MAP3K7CL: variants seen among roughly 807,000 people sequenced by gnomAD.
MAP3K7CL encodes the protein MAP3K7 C-terminal-like protein.
Under a neutral mutation model 18.6 loss-of-function variants are expected in MAP3K7CL, and 16 were observed. The observed-to-expected ratio is 0.86, with a 90% confidence interval of 0.58 to 1.31. The LOEUF (loss-of-function observed/expected upper bound fraction) is 1.31, where lower values mean the gene tolerates loss of function less well. MAP3K7CL is among the 50% of genes most tolerant of loss of function. The pLI is 0.00. For missense variants in MAP3K7CL, 163 were observed against 174.4 expected (o/e 0.93, Z 0.37); for synonymous variants, 65 against 66.8 (o/e 0.97, Z 0.13).
chr21:29,165,017 G>A (rs1273657612), intron 4 of MAP3K7CL, among the ~76,000 whole-genome samples: 2 of 152,074 alleles, frequency 1.3e-5, no homozygotes, highest in South Asian at 4.1e-4. Flanking sequence ...TCATTGAAAT[G>A]AGATATAGAC....
chr21:29,082,204 T>C (rs2085847639), upstream of MAP3K7CL, among the ~76,000 whole-genome samples: 1 of 152,220 alleles, frequency 6.6e-6, no homozygotes, highest in Non-Finnish European at 1.5e-5. Flanking sequence ...TAGCAGCTCT[T>C]GGTCCTATTT....
chr21:29,165,568 A>AATTTT (rs2087665500), intron 4 of MAP3K7CL, among the ~76,000 whole-genome samples: 1 of 152,060 alleles, frequency 6.6e-6, no homozygotes, highest in Non-Finnish European at 1.5e-5. Flanking sequence ...TTTTATAAAC[A>AATTTT]ATTTTATTTT....
chr21:29,173,516 G>A (rs962901378), intron 4 of MAP3K7CL, among the ~76,000 whole-genome samples: 1 of 152,186 alleles, frequency 6.6e-6, no homozygotes, highest in African/African-American at 2.4e-5. Flanking sequence ...AGAAAACTAT[G>A]TATCTGAAGG....
upstream of MAP3K7CL, chr21:29,130,487 C>T (rs1051498249): frequency 1.1e-4 from 57 of 542,476 alleles, no homozygotes; most frequent in Admixed American, 1.3e-4. Flanking sequence ...GATTGGGTCA[C>T]GCTGAAGACA....
At chr21:29,077,931 T>G (rs1488285455) in intron 1 of MAP3K7CL, among the ~76,000 whole-genome samples, 1 of 152,210 alleles carries the variant, frequency 6.6e-6, no homozygotes, top group Non-Finnish European at 1.5e-5. Context: ...GATTGGGGGT[T>G]GGGGATGTCT....
intron 3 of MAP3K7CL, among the ~76,000 whole-genome samples, chr21:29,149,770 A>T (rs964676212): frequency 6.6e-6 from 1 of 152,220 alleles, no homozygotes; most frequent in Non-Finnish European, 1.5e-5. Context: ...ATTATTTTGT[A>T]TATGTAGTTT....
chr21:29,097,447 C>A (rs1419615208), intron 4 of MAP3K7CL, among the ~76,000 whole-genome samples: 2 of 152,012 alleles, frequency 1.3e-5, no homozygotes, highest in Non-Finnish European at 2.9e-5. Context: ...GGAGGTAGAA[C>A]AAAATTAAAA....
intron 4 of MAP3K7CL, among the ~76,000 whole-genome samples, chr21:29,121,192 CA>C (rs2086589381): frequency 6.6e-6 from 1 of 151,838 alleles, no homozygotes. Flanking sequence ...CAAGTTTGGG[CA>C]ATGACTGTCT....
chr21:29,122,540 C>T (rs34043731), intron 4 of MAP3K7CL, among the ~76,000 whole-genome samples: 317 of 152,252 alleles, frequency 2.1e-3, no homozygotes, highest in Non-Finnish European at 3.9e-3. Context: ...GGGGATGGAG[C>T]GGGAACGTGG....
At position 29,168,690 on chromosome 21, in the gene MAP3K7CL, G is replaced by T. The variant is rs137901653; in HGVS notation, c.249-6022G>T. 2.8e-3 allele frequency among the ~76,000 whole-genome samples: 427 copies of T among 152,252 alleles called. 4 individuals are homozygous for T. Among genetic ancestry groups the T allele is most frequent in the African/African-American group, 9.5e-3 (396 of 41,540 alleles). On this transcript the variant is annotated intron_variant, in intron 4 of 4. Coordinates refer to ENST00000399928, the MANE Select transcript of MAP3K7CL (RefSeq NM_001286620.2). Reference sequence around the variant, plus strand: ...CGAAACTATATTAAATTTATGCCTAGTGTTCCATTATTGGAACACTAAATG... The same window carrying T: ...CGAAACTATATTAAATTTATGCCTATTGTTCCATTATTGGAACACTAAATG...
intron 4 of MAP3K7CL, among the ~76,000 whole-genome samples, chr21:29,123,251 A>G (rs942692363): frequency 1.3e-5 from 2 of 152,056 alleles, no homozygotes; most frequent in African/African-American, 2.4e-5. Context: ...TTTAATAGAC[A>G]TGAGGTTTCA....
At chr21:29,149,742 T>C (rs1233990401) in intron 3 of MAP3K7CL, among the ~76,000 whole-genome samples, 1 of 152,228 alleles carries the variant, frequency 6.6e-6, no homozygotes, top group Non-Finnish European at 1.5e-5. Context: ...GAAAATTGAC[T>C]TGTTGGACCC....
At chr21:29,136,632 T>TG (rs1410614608) in intron 2 of MAP3K7CL, among the ~76,000 whole-genome samples, 1 of 152,134 alleles carries the variant, frequency 6.6e-6, no homozygotes, top group Non-Finnish European at 1.5e-5. Context: ...GTGATTCTTC[T>TG]GCCTGAGCCT....
At chr21:29,150,181 G>C (rs2087236355) in intron 3 of MAP3K7CL, among the ~76,000 whole-genome samples, 1 of 152,196 alleles carries the variant, frequency 6.6e-6, no homozygotes, top group Admixed American at 6.5e-5. Context: ...ATTTGAGTTT[G>C]GCATTCTTAT....
intron 1 of MAP3K7CL, among the ~76,000 whole-genome samples, chr21:29,080,293 G>T (rs1002200565): frequency 6.6e-6 from 1 of 152,202 alleles, no homozygotes; most frequent in African/African-American, 2.4e-5. Flanking sequence ...ATGGCTGTGG[G>T]TACAAATAAG....
At chr21:29,114,266 G>A (rs551583012) in intron 4 of MAP3K7CL, among the ~76,000 whole-genome samples, 2 of 152,090 alleles carry the variant, frequency 1.3e-5, no homozygotes, top group East Asian at 1.9e-4. Context: ...GCAGGGTTTC[G>A]CCATGTTGAC....
chr21:29,133,483 A>G (rs2086819247), intron 2 of MAP3K7CL, 69 bp downstream of exon 2: 1 of 1,215,148 alleles, frequency 8.2e-7, no homozygotes, highest in Admixed American at 2.5e-5. Context: ...TTCTAATGCC[A>G]CGCCTCTGTG....
intron 2 of MAP3K7CL, among the ~76,000 whole-genome samples, chr21:29,134,893 CA>C (rs946802384): frequency 6.6e-6 from 1 of 151,196 alleles, no homozygotes; most frequent in Non-Finnish European, 1.5e-5. Flanking sequence ...ACTAAAAATA[CA>C]AAAAAAATTA....
intron 2 of MAP3K7CL, among the ~76,000 whole-genome samples, chr21:29,141,025 C>T (rs560614719): frequency 5.2e-4 from 79 of 152,306 alleles, no homozygotes; most frequent in Non-Finnish European, 7.6e-4. Flanking sequence ...AATCCACTCA[C>T]GTCAGCCTCC....
Sources: gnomAD v4.1 joint callset for allele counts (sites outside exome capture counted in the v4.1 genomes callset) on GRCh38, gnomAD v4.1.1 for gene constraint, MANE v1.5 for transcripts, NCBI Gene and HGNC (gene_info 2026-07-23, HGNC 2026-07-21) for gene names.